The following PID1 variants were observed in gnomAD, a reference collection of about 807,000 sequenced individuals.
The protein encoded by PID1 is PTB-containing, cubilin and LRP1-interacting protein.
PID1 carries 10 observed loss-of-function variants against 19.1 expected under a neutral mutation model. The ratio of observed to expected loss-of-function variants is 0.52; its 90% CI spans 0.32 to 0.89. PID1 has a LOEUF of 0.89. Ranked by LOEUF, PID1 falls within the 40% of genes least tolerant of loss-of-function variation. The pLI is 0.03. For synonymous variants in PID1, 130 were observed against 116.0 expected (o/e 1.12, Z -0.78); for missense variants, 248 against 285.3 (o/e 0.87, Z 0.94).
Position 229,189,501 on chromosome 2 carries a change from C to A in PID1, c.31-33537G>T, listed in dbSNP as rs943473505. On this transcript the variant is annotated intron_variant, in intron 1 of 2. Transcript: ENST00000392055. Reference sequence around the variant, plus strand: ...CCCGAAGACAGGAGTTCAAGACCAGCCTGGCCAACATGGTGAAACCCCATC... The same window carrying A: ...CCCGAAGACAGGAGTTCAAGACCAGACTGGCCAACATGGTGAAACCCCATC... Among the ~76,000 whole-genome samples the A allele has an allele frequency of 2.0e-5, 3 of 152,202 alleles. No homozygotes were observed. In the East Asian group the frequency reaches 5.8e-4, roughly 29 times the overall value.
chr2:229,103,080 G>C (rs576418010), intron 2 of PID1, among the ~76,000 whole-genome samples: 4 of 152,238 alleles, frequency 2.6e-5, no homozygotes, highest in South Asian at 4.1e-4. Flanking sequence ...CCGGGCAAAG[G>C]TTCCTCTTTT....
intron 2 of PID1, among the ~76,000 whole-genome samples, chr2:229,151,114 T>C (rs985478020): frequency 6.6e-6 from 1 of 152,108 alleles, no homozygotes; most frequent in African/African-American, 2.4e-5. Flanking sequence ...CCCTTACATT[T>C]TTTTTTTAAT....
intron 2 of PID1, among the ~76,000 whole-genome samples, chr2:229,031,521 G>A (rs1321491545): frequency 6.6e-6 from 1 of 151,986 alleles, no homozygotes; most frequent in Admixed American, 6.6e-5. Flanking sequence ...TTGCACCACT[G>A]CACTCCAGCC....
intron 2 of PID1, among the ~76,000 whole-genome samples, chr2:229,056,227 A>G (rs1410054069): frequency 6.6e-6 from 1 of 152,156 alleles, no homozygotes; most frequent in African/African-American, 2.4e-5. Context: ...TAAAGCCCCA[A>G]CCTCTGGAAG....
At chr2:229,168,454 C>T (rs1241708942) in intron 1 of PID1, among the ~76,000 whole-genome samples, 2 of 152,120 alleles carry the variant, frequency 1.3e-5, no homozygotes, top group Non-Finnish European at 2.9e-5. Flanking sequence ...TACTAATAAG[C>T]TCATTAAAGG....
chr2:229,234,692 A>C (rs185367749), intron 1 of PID1, among the ~76,000 whole-genome samples: 1 of 152,288 alleles, frequency 6.6e-6, no homozygotes, highest in African/African-American at 2.4e-5. Flanking sequence ...TATTAGGGTG[A>C]GAATGGGGGG....
intron 1 of PID1, among the ~76,000 whole-genome samples, chr2:229,238,744 C>G (rs1194450470): frequency 6.6e-6 from 1 of 152,040 alleles, no homozygotes; most frequent in Admixed American, 6.6e-5. Flanking sequence ...TAAGAGGAGA[C>G]AGGCATTACC....
At chr2:229,256,818 T>C (rs182238529) in intron 1 of PID1, among the ~76,000 whole-genome samples, 12 of 152,328 alleles carry the variant, frequency 7.9e-5, no homozygotes, top group Non-Finnish European at 1.5e-4. Flanking sequence ...TTGTAGTCCA[T>C]ATCTCAATTA....
intron 2 of PID1, among the ~76,000 whole-genome samples, chr2:229,110,581 T>C (rs1009288273): frequency 2.0e-5 from 3 of 152,206 alleles, no homozygotes; most frequent in African/African-American, 7.2e-5. Context: ...AAACCTTAGT[T>C]TGATATCAGA....
At position 229,025,457 on chromosome 2, in the gene PID1, G is replaced by A. The variant is rs928691070; in HGVS notation, c.*175C>T. On this transcript the variant is annotated 3_prime_UTR_variant, in exon 3 of 3. Transcript: ENST00000392055. The stretch of plus-strand genomic sequence containing the variant: ...CAGCAGCAGCAGGTTTCAATGTAAC[G>A]TAATTACTTTAATGATACATTTCTT... 1.1e-5 allele frequency: 7 copies of A among 611,630 alleles called. No homozygotes were observed. The highest frequency in any genetic ancestry group is 6.0e-5 in the South Asian group (3 of 50,140). 37.9% of individuals were successfully genotyped at this position (611,630 alleles called of 1,614,324 possible).
chr2:229,224,192 G>A (rs994790490), intron 1 of PID1, among the ~76,000 whole-genome samples: 15 of 152,158 alleles, frequency 9.9e-5, no homozygotes, highest in African/African-American at 1.7e-4. Flanking sequence ...CAATGTTGGC[G>A]ATGATGCAAA....
intron 2 of PID1, among the ~76,000 whole-genome samples, chr2:229,049,416 C>A (rs1424954115): frequency 6.6e-6 from 1 of 152,048 alleles, no homozygotes; most frequent in Non-Finnish European, 1.5e-5. Flanking sequence ...ACTCCATTGG[C>A]CAGAATGTCT....
chr2:229,267,790 C>A (rs1690631136), intron 1 of PID1, among the ~76,000 whole-genome samples: 1 of 152,046 alleles, frequency 6.6e-6, no homozygotes, highest in Non-Finnish European at 1.5e-5. Context: ...AATTTCAAGG[C>A]CAGAGGTAAT....
chr2:229,140,409 G>A (rs1355927724), intron 2 of PID1, among the ~76,000 whole-genome samples: 1 of 151,824 alleles, frequency 6.6e-6, no homozygotes, highest in Non-Finnish European at 1.5e-5. Context: ...GTGAAGTTAT[G>A]GATTACAAAT....
At chr2:229,110,860 C>T (rs1452212240) in intron 2 of PID1, among the ~76,000 whole-genome samples, 1 of 152,080 alleles carries the variant, frequency 6.6e-6, no homozygotes, top group Non-Finnish European at 1.5e-5. Flanking sequence ...TCACGTAGGG[C>T]AGATAGGAGG....
chr2:229,164,809 C>T (rs1046780467), intron 1 of PID1, among the ~76,000 whole-genome samples: 3 of 152,116 alleles, frequency 2.0e-5, no homozygotes, highest in African/African-American at 7.2e-5. Context: ...CAGGGTGCAG[C>T]GGAATCCCTG....
rs546108909 is a variant in PID1 at position 229,165,434 on chromosome 2, T to A, written c.31-9470A>T. ...GGGCAAGATGGTGAAACCCCATCTTTACTAAAATTACAAAAAATTAGCCAT... is the reference window on the plus strand; with the variant it reads ...GGGCAAGATGGTGAAACCCCATCTTAACTAAAATTACAAAAAATTAGCCAT... On this transcript the variant is annotated intron_variant, in intron 1 of 2. Transcript: ENST00000392055. 2.6e-5 allele frequency among the ~76,000 whole-genome samples: 4 copies of A among 152,068 alleles called. No individual in the cohort carries two copies. In the East Asian group the frequency reaches 7.8e-4, roughly 29 times the overall value.
At chr2:229,118,849 A>C (rs1054771200) in intron 2 of PID1, among the ~76,000 whole-genome samples, 4 of 152,230 alleles carry the variant, frequency 2.6e-5, no homozygotes, top group African/African-American at 9.6e-5. Flanking sequence ...AAAACAAAAC[A>C]AAACAAAAAA....
chr2:229,054,673 C>A (rs2106186783), intron 2 of PID1, among the ~76,000 whole-genome samples: 1 of 131,526 alleles, frequency 7.6e-6, no homozygotes, highest in East Asian at 2.2e-4. Context: ...TGCTGCAATT[C>A]CATAAGCTCT....
Sources: gnomAD v4.1 joint callset for allele counts (sites outside exome capture counted in the v4.1 genomes callset) on GRCh38, gnomAD v4.1.1 for gene constraint, MANE v1.5 for transcripts, NCBI Gene and HGNC (gene_info 2026-07-23, HGNC 2026-07-21) for gene names.